MLXIPL: variants seen among roughly 807,000 people sequenced by gnomAD.
MLXIPL encodes MLX interacting protein like, also known as carbohydrate-responsive element-binding protein.
Under a neutral mutation model 81.5 loss-of-function variants are expected in MLXIPL, and 49 were observed. That is an observed-to-expected ratio of 0.60 (90% confidence interval 0.48 to 0.76). The LOEUF (loss-of-function observed/expected upper bound fraction) is 0.76. Ranked by LOEUF, MLXIPL falls within the 30% of genes least tolerant of loss-of-function variation. MLXIPL has a pLI of 0.00. For synonymous variants in MLXIPL, 466 were observed against 485.5 expected, an observed-to-expected ratio of 0.96 and a Z score of 0.53; for missense variants, 1,053 against 1,167.0, an observed-to-expected ratio of 0.90 and a Z score of 1.42.
chr7:73,629,461 G>T (rs935802121), upstream of MLXIPL, among the ~76,000 whole-genome samples: 1 of 152,182 alleles, frequency 6.6e-6, no homozygotes, highest in Admixed American at 6.6e-5. Flanking sequence ...ACTGCTGGGC[G>T]TGGTGGCTCA....
Position 73,593,953 on chromosome 7 carries a change from G to A in MLXIPL, c.2471C>T (p.Thr824Ile). 5.6e-6 allele frequency: 9 copies of A among 1,614,136 alleles called. No homozygotes were observed. Among genetic ancestry groups the A allele is most frequent in the African/African-American group, 1.3e-5 (1 of 75,046 alleles). Residue 824 changes from threonine (T) to isoleucine (I), a missense_variant, in exon 17 of 17, where the codon ACA (threonine) becomes ATA (isoleucine). Transcript: ENST00000313375. Reference sequence around the variant, plus strand: ...CGGGTCGGTCAGGATACTGGTAGATGTGCCCAGCTGGCGTAGGGAGTTCAG... The same window carrying A: ...CGGGTCGGTCAGGATACTGGTAGATATGCCCAGCTGGCGTAGGGAGTTCAG... Reference protein sequence around the residue: ...TVLNSLRQLGTSTSILTDPGR... With the variant: ...TVLNSLRQLGISTSILTDPGR...
rs1554593510 is a variant in MLXIPL, at chr7:73,595,862, C to T, written c.2166G>A (p.Glu722=). The change falls in exon 14 of 17, where the codon GAG becomes GAA. Residue 722 remains glutamate (E), a synonymous_variant. Coordinates refer to ENST00000313375, the MANE Select transcript of MLXIPL (RefSeq NM_032951.3). ...EEAQQLRDEI[E]ELNAAINLCQ... is the part of the protein sequence containing the mutation. ...CCTACTTAATGGCGGCATTGAGCTC[C>T]TCAATCTCATCCCGCAGCTGCTGGG... 1 of 1,609,370 alleles carries T rather than the reference C, an allele frequency of 6.2e-7. No homozygotes were observed. Among genetic ancestry groups the T allele is most frequent in the South Asian group, 1.1e-5 (1 of 90,482 alleles).
chr7:73,627,643 T>G (rs1345271367), upstream of MLXIPL, among the ~76,000 whole-genome samples: 1 of 152,044 alleles, frequency 6.6e-6, no homozygotes, highest in Non-Finnish European at 1.5e-5. Context: ...TCTCCCCCTA[T>G]TCCTCCGTAG....
the MLXIPL span, among the ~76,000 whole-genome samples, chr7:73,632,731 ATTCCTTCCTTCTTTCC>A: frequency 1.7e-4 from 25 of 143,582 alleles, no homozygotes; most frequent in Non-Finnish European, 3.3e-4. Flanking sequence ...TTTCCCTTTC[ATTCCTTCCTTCTTTCC>A]TTCCTTCCTT....
At chr7:73,602,238 A>C (rs192247691) in intron 7 of MLXIPL, among the ~76,000 whole-genome samples, 2 of 92,696 alleles carry the variant, frequency 2.2e-5, no homozygotes. Flanking sequence ...TTTTTTTGAG[A>C]TGGAGTCTCG....
chr7:73,605,337 T>C (rs956432640), intron 7 of MLXIPL, among the ~76,000 whole-genome samples: 1 of 151,934 alleles, frequency 6.6e-6, no homozygotes, highest in Non-Finnish European at 1.5e-5. Flanking sequence ...GGCAAGAGGA[T>C]GGCTTGAGCT....
intron 4 of MLXIPL, 106 bp from the exon 5 acceptor site, chr7:73,607,124 T>A (rs782028945): frequency 2.7e-6 from 4 of 1,458,830 alleles, no homozygotes; most frequent in Non-Finnish European, 3.8e-6. Context: ...CCATTTCCCA[T>A]CAGGAGCTCA....
the MLXIPL span, among the ~76,000 whole-genome samples, chr7:73,646,863 T>C: frequency 6.6e-6 from 1 of 152,038 alleles, no homozygotes; most frequent in African/African-American, 2.4e-5. Context: ...CTCTCATAGA[T>C]CCCTGGTCCC....
the MLXIPL span, among the ~76,000 whole-genome samples, chr7:73,647,579 T>G: frequency 6.6e-6 from 1 of 152,154 alleles, no homozygotes; most frequent in Non-Finnish European, 1.5e-5. Context: ...GGGTACGAGT[T>G]TGCCTCCTTC....
the MLXIPL span, among the ~76,000 whole-genome samples, chr7:73,631,963 C>G: frequency 2.3e-5 from 2 of 86,964 alleles, no homozygotes; most frequent in Admixed American, 1.6e-4. Context: ...CTTTTCTTTT[C>G]TTTTTTCTTT....
At chr7:73,645,052 G>T in the MLXIPL span, among the ~76,000 whole-genome samples, 4 of 151,912 alleles carry the variant, frequency 2.6e-5, no homozygotes, top group African/African-American at 9.7e-5. Flanking sequence ...TAAGAGAGGG[G>T]TTCTTGCTCT....
At chr7:73,645,644 G>A in the MLXIPL span, among the ~76,000 whole-genome samples, 5 of 152,142 alleles carry the variant, frequency 3.3e-5, no homozygotes, top group South Asian at 8.3e-4. Context: ...GTTGCTTCCA[G>A]ACCTCCTCCC....
intron 15 of MLXIPL, among the ~76,000 whole-genome samples, chr7:73,594,846 CT>C (rs33938430): frequency 0.67 from 70,820 of 106,482 alleles, 23,096 homozygotes; most frequent in East Asian, 0.87. Flanking sequence ...TGTGCTCGGA[CT>C]TTTTTTTTTT....
chr7:73,617,967 C>A (rs979212021), intron 1 of MLXIPL, among the ~76,000 whole-genome samples: 1 of 152,132 alleles, frequency 6.6e-6, no homozygotes, highest in Non-Finnish European at 1.5e-5. Context: ...GGTCTTAGAC[C>A]CCCTGCTAGT....
chr7:73,595,721 G>T lies in MLXIPL; in HGVS notation c.2226C>A (p.Ile742=), dbSNP rs1554593404. ...GCATCTGGTCAAAACGCTGGTGTGT[G>T]ATGGGTACCCCTGTGGCGGGCAGCT... ...QQQLPATGVP[I]THQRFDQMRD... Residue 742 remains isoleucine (I), a synonymous_variant, in exon 15 of 17, where the codon ATC becomes ATA. Transcript: ENST00000313375. 1.5e-5 allele frequency: 24 copies of T among 1,613,252 alleles called. No individual in the cohort carries two copies. The highest frequency in any genetic ancestry group is 2.0e-5 in the Non-Finnish European group (24 of 1,179,548).
chr7:73,644,411 T>C, the MLXIPL span, among the ~76,000 whole-genome samples: 1 of 152,102 alleles, frequency 6.6e-6, no homozygotes, highest in African/African-American at 2.4e-5. Flanking sequence ...GGTTTTGCCA[T>C]GTTGGCCAGG....
intron 2 of MLXIPL, among the ~76,000 whole-genome samples, chr7:73,614,620 G>A (rs1167970896): frequency 1.3e-5 from 2 of 152,138 alleles, no homozygotes; most frequent in Admixed American, 6.6e-5. Context: ...CAGGGCTGGC[G>A]GATCCAAGTC....
chr7:73,597,620 G>A lies in MLXIPL; in HGVS notation c.1165C>T (p.Pro389Ser). ...PEDPKPRLPP[P>S]PVPPPLLHYP... ...TGCAGCAGAGGTGGGGGTACAGGAG[G>A]GGGTGGGAGCCGGGGCTTGGGGTCT... Residue 389 changes from proline (P) to serine (S), a missense_variant, in exon 9 of 17, where the codon CCT becomes TCT. Physicochemically the swap from Pro to Ser is moderately conservative, Grantham distance 74. Around this residue, in one of 3 missense-constraint regions of MLXIPL, gnomAD observed 823 missense variants for 933.0 expected, o/e 0.88. Coordinates refer to ENST00000313375, the MANE Select transcript of MLXIPL (RefSeq NM_032951.3). 1 of 1,352,186 alleles carries A rather than the reference G, an allele frequency of 7.4e-7. No individual in the cohort carries two copies. The highest frequency in any genetic ancestry group is 9.5e-7 in the Non-Finnish European group (1 of 1,053,054). 83.8% of individuals were successfully genotyped at this position (1,352,186 alleles called of 1,614,324 possible). A position where few individuals can be genotyped will look rare whatever the true frequency, so the allele number is the denominator to read the frequency against.
the MLXIPL span, among the ~76,000 whole-genome samples, chr7:73,630,030 C>A: frequency 6.6e-6 from 1 of 150,860 alleles, no homozygotes; most frequent in African/African-American, 2.4e-5. Flanking sequence ...CGGAGTCTTG[C>A]ACTGTTTCCC....
Sources: allele counts gnomAD v4.1 joint callset (sites outside exome capture counted in the v4.1 genomes callset), GRCh38; gene constraint gnomAD v4.1.1; regional missense constraint gnomAD v4.1.1; transcripts MANE v1.5; gene names NCBI Gene and HGNC (gene_info 2026-07-23, HGNC 2026-07-21).